The following GRIA1 variants were observed in gnomAD, a reference collection of about 807,000 sequenced individuals.
The protein encoded by GRIA1 is glutamate ionotropic receptor AMPA type subunit 1.
In GRIA1, 31 loss-of-function variants were observed where a neutral mutation model predicts 99.2. The observed-to-expected ratio is 0.31, with a 90% confidence interval of 0.23 to 0.42. GRIA1 has a LOEUF of 0.42. GRIA1 is among the 10% of genes least tolerant of loss of function. The probability of loss-of-function intolerance (pLI) is 1.00; values close to 1 mark genes in which losing one functional copy is unlikely to be tolerated. For synonymous variants in GRIA1, 438 were observed against 432.4 expected, an observed-to-expected ratio of 1.01 and a Z score of -0.16; for missense variants, 782 against 1,157.5, an observed-to-expected ratio of 0.68 and a Z score of 4.71.
chr5:153,604,739 T>A (rs1765300208), intron 2 of GRIA1, among the ~76,000 whole-genome samples: 1 of 152,134 alleles, frequency 6.6e-6, no homozygotes, highest in Non-Finnish European at 1.5e-5. Flanking sequence ...ACTCCTGACC[T>A]CACGGTAGGA....
intron 11 of GRIA1, among the ~76,000 whole-genome samples, chr5:153,708,381 T>G (rs1481738591): frequency 6.6e-6 from 1 of 152,124 alleles, no homozygotes; most frequent in East Asian, 1.9e-4. Flanking sequence ...AAACTATGCT[T>G]TCCGGACTTC....
chr5:153,577,335 A>G (rs114763341), intron 2 of GRIA1, among the ~76,000 whole-genome samples: 3 of 152,204 alleles, frequency 2.0e-5, no homozygotes, highest in African/African-American at 7.2e-5. Flanking sequence ...CCCTGCAATC[A>G]TTTATCTCTG....
intron 2 of GRIA1, among the ~76,000 whole-genome samples, chr5:153,606,907 A>G (rs1374383561): frequency 1.9e-5 from 2 of 104,392 alleles, no homozygotes; most frequent in Non-Finnish European, 4.1e-5. Flanking sequence ...ATGAAATAAT[A>G]AAGTATGTGT....
chr5:153,727,362 C>T (rs1184751847), intron 11 of GRIA1, among the ~76,000 whole-genome samples: 1 of 152,128 alleles, frequency 6.6e-6, no homozygotes, highest in Non-Finnish European at 1.5e-5. Flanking sequence ...TCCTATTCAA[C>T]ATAGTGTTGG....
chr5:153,640,750 G>A (rs1041799074), intron 2 of GRIA1, among the ~76,000 whole-genome samples: 1 of 152,172 alleles, frequency 6.6e-6, no homozygotes, highest in African/African-American at 2.4e-5. Context: ...TAGAAAACAT[G>A]TCTGTCTTGT....
At chr5:153,764,994 T>A (rs2149609043) in intron 12 of GRIA1, among the ~76,000 whole-genome samples, 1 of 152,300 alleles carries the variant, frequency 6.6e-6, no homozygotes, top group South Asian at 2.1e-4. Flanking sequence ...CAGCTGGACC[T>A]GATGCTCTTT....
intron 2 of GRIA1, among the ~76,000 whole-genome samples, chr5:153,545,121 A>T (rs2113511262): frequency 6.6e-6 from 1 of 152,304 alleles, no homozygotes; most frequent in Non-Finnish European, 1.5e-5. Flanking sequence ...CTCCTGGCTG[A>T]CCTTAATAGA....
At chr5:153,613,578 T>C (rs1166373238) in intron 2 of GRIA1, among the ~76,000 whole-genome samples, 2 of 152,090 alleles carry the variant, frequency 1.3e-5, no homozygotes, top group Non-Finnish European at 2.9e-5. Context: ...CTCTCCCTTC[T>C]TTTTTTCCCT....
Position 153,802,341 on chromosome 5 carries a change from T to C in GRIA1, c.2386-15T>C. On this transcript the variant is annotated splice_polypyrimidine_tract_variant and intron_variant, in intron 14 of 15. Transcript: ENST00000285900. Reference sequence around the variant, plus strand: ...TTCTTCCCCCTCCCCTTCCTTTCCCTCCTCCTCTTCTTAGGACAAGACAAG... The same window carrying C: ...TTCTTCCCCCTCCCCTTCCTTTCCCCCCTCCTCTTCTTAGGACAAGACAAG... 1 of 1,613,142 alleles carries C rather than the reference T, an allele frequency of 6.2e-7. No individual in the cohort carries two copies. Among genetic ancestry groups the C allele is most frequent in the South Asian group, 1.1e-5 (1 of 91,064 alleles).
At chr5:153,719,607 G>A (rs1759913951) in intron 11 of GRIA1, among the ~76,000 whole-genome samples, 1 of 152,012 alleles carries the variant, frequency 6.6e-6, no homozygotes, top group African/African-American at 2.4e-5. Flanking sequence ...CCAAAAAGAA[G>A]CAGGCAGAAG....
intron 2 of GRIA1, among the ~76,000 whole-genome samples, chr5:153,616,071 C>G (rs1307686478): frequency 2.0e-5 from 3 of 152,078 alleles, no homozygotes; most frequent in Non-Finnish European, 2.9e-5. Context: ...TCCTGCTTAC[C>G]TGGGTATGAA....
chr5:153,753,974 A>G (rs923018085), intron 11 of GRIA1, among the ~76,000 whole-genome samples: 1 of 152,230 alleles, frequency 6.6e-6, no homozygotes, highest in East Asian at 1.9e-4. Flanking sequence ...GTTAAAGGAA[A>G]GAAATGGACT....
chr5:153,692,823 G>A (rs766272220), intron 8 of GRIA1, among the ~76,000 whole-genome samples: 99 of 152,098 alleles, frequency 6.5e-4, no homozygotes, highest in Non-Finnish European at 1.2e-3. Flanking sequence ...TCACTGGGAA[G>A]TTTATCAAAT....
At chr5:153,536,911 A>ATT (rs1758626526) in intron 2 of GRIA1, among the ~76,000 whole-genome samples, 1 of 152,160 alleles carries the variant, frequency 6.6e-6, no homozygotes, top group South Asian at 2.1e-4. Flanking sequence ...CCCTGAGATA[A>ATT]GACTATCTGG....
At chr5:153,745,795 C>T (rs556376004) in intron 11 of GRIA1, among the ~76,000 whole-genome samples, 1 of 152,180 alleles carries the variant, frequency 6.6e-6, no homozygotes, top group Admixed American at 6.5e-5. Flanking sequence ...TTATCTCTGC[C>T]AAGGTTGAGT....
chr5:153,707,966 C>G (rs957773391), intron 11 of GRIA1, among the ~76,000 whole-genome samples: 1 of 152,108 alleles, frequency 6.6e-6, no homozygotes, highest in African/African-American at 2.4e-5. Context: ...TGGGAAGAAA[C>G]AATTCCTAAC....
chr5:153,679,624 A>C (rs1013069023), intron 7 of GRIA1, among the ~76,000 whole-genome samples: 1 of 152,052 alleles, frequency 6.6e-6, no homozygotes, highest in African/African-American at 2.4e-5. Flanking sequence ...AGTCAGGACT[A>C]CTCTTCAGCA....
intron 2 of GRIA1, among the ~76,000 whole-genome samples, chr5:153,554,931 A>G (rs1760484271): frequency 6.6e-6 from 1 of 152,194 alleles, no homozygotes. Flanking sequence ...TCCTGAATCA[A>G]ATACTGCAGC....
At chr5:153,764,347 C>T in intron 11 of GRIA1, 87 bp from the exon 12 acceptor site, 2 of 987,064 alleles carry the variant, frequency 2.0e-6, no homozygotes, top group South Asian at 1.3e-5. Flanking sequence ...GCTCTGCTGC[C>T]AAGCCCCGGA....
Sources: allele counts gnomAD v4.1 joint callset (sites outside exome capture counted in the v4.1 genomes callset), GRCh38; gene constraint gnomAD v4.1.1; transcripts MANE v1.5; gene names NCBI Gene and HGNC (gene_info 2026-07-23, HGNC 2026-07-21).